MARCHF1: variants seen among roughly 807,000 people sequenced by gnomAD.
MARCHF1 encodes membrane associated ring-CH-type finger 1, also known as E3 ubiquitin-protein ligase MARCHF1.
Under a neutral mutation model 54.2 loss-of-function variants are expected in MARCHF1, and 40 were observed. The observed-to-expected ratio is 0.74, with a 90% confidence interval of 0.57 to 0.96. The LOEUF (loss-of-function observed/expected upper bound fraction) is 0.96, where lower values mean the gene tolerates loss of function less well. MARCHF1 is among the 40% of genes least tolerant of loss of function. The pLI is 0.00. For synonymous variants in MARCHF1, 236 were observed against 236.3 expected (o/e 1.00, Z 0.01); for missense variants, 586 against 656.5 (o/e 0.89, Z 1.17).
At chr4:163,574,339 T>G (rs1451804007) in intron 8 of MARCHF1, among the ~76,000 whole-genome samples, 1 of 152,120 alleles carries the variant, frequency 6.6e-6, no homozygotes. Flanking sequence ...TTTGTCAATT[T>G]TGGCTTTTGT....
At chr4:163,843,915 C>T (rs1749412095) in intron 4 of MARCHF1, among the ~76,000 whole-genome samples, 1 of 151,340 alleles carries the variant, frequency 6.6e-6, no homozygotes, top group African/African-American at 2.4e-5. Context: ...TGTTGGATGC[C>T]TGTATGTCTT....
At chr4:164,075,496 G>A (rs1231804023) in intron 2 of MARCHF1, among the ~76,000 whole-genome samples, 1 of 152,208 alleles carries the variant, frequency 6.6e-6, no homozygotes, top group Non-Finnish European at 1.5e-5. Flanking sequence ...ATAAGGAGCA[G>A]AGCCAGATCA....
chr4:163,897,508 G>A (rs932497886), intron 3 of MARCHF1, among the ~76,000 whole-genome samples: 4 of 151,900 alleles, frequency 2.6e-5, no homozygotes, highest in African/African-American at 9.7e-5. Flanking sequence ...CATGGTACAG[G>A]TACAAAAATA....
intron 2 of MARCHF1, among the ~76,000 whole-genome samples, chr4:164,048,790 A>AT (rs1754293975): frequency 6.6e-6 from 1 of 152,020 alleles, no homozygotes; most frequent in South Asian, 2.1e-4. Flanking sequence ...GGCAGAGTAA[A>AT]TTTTTTCATC....
At chr4:164,371,489 G>T (rs2110958189) in intron 1 of MARCHF1, among the ~76,000 whole-genome samples, 1 of 152,278 alleles carries the variant, frequency 6.6e-6, no homozygotes, top group Non-Finnish European at 1.5e-5. Flanking sequence ...ATATTTCAAT[G>T]CATGTAAATG....
intron 4 of MARCHF1, among the ~76,000 whole-genome samples, chr4:163,800,644 C>G (rs1286162642): frequency 6.6e-6 from 1 of 152,012 alleles, no homozygotes; most frequent in East Asian, 1.9e-4. Context: ...TTCCTTTTCA[C>G]TACGTTTAAG....
At chr4:164,030,626 C>T (rs1357244750) in intron 2 of MARCHF1, among the ~76,000 whole-genome samples, 4 of 152,112 alleles carry the variant, frequency 2.6e-5, no homozygotes, top group African/African-American at 4.8e-5. Flanking sequence ...ATATCCAGAA[C>T]GTTATTAGGC....
At chr4:164,336,012 A>T (rs1328670834) in intron 1 of MARCHF1, among the ~76,000 whole-genome samples, 1 of 152,222 alleles carries the variant, frequency 6.6e-6, no homozygotes, top group Non-Finnish European at 1.5e-5. Flanking sequence ...AAAGAACAGA[A>T]TTGTTTGATA....
At chr4:163,649,002 A>C (rs1310197229) in intron 5 of MARCHF1, among the ~76,000 whole-genome samples, 3 of 151,938 alleles carry the variant, frequency 2.0e-5, no homozygotes, top group Admixed American at 2.0e-4. Context: ...TTTTCTAAAA[A>C]TAATCATGGT....
chr4:163,929,469 T>C (rs539040053), intron 3 of MARCHF1, among the ~76,000 whole-genome samples: 73 of 152,080 alleles, frequency 4.8e-4, no homozygotes, highest in Admixed American at 3.1e-3. Flanking sequence ...ATAATTCTGA[T>C]GCCATAGTGA....
chr4:164,116,257 T>C (rs1299223104), intron 1 of MARCHF1, among the ~76,000 whole-genome samples: 2 of 152,180 alleles, frequency 1.3e-5, no homozygotes, highest in Non-Finnish European at 2.9e-5. Flanking sequence ...GAAAATAGCA[T>C]ACTTTCCAAA....
intron 4 of MARCHF1, among the ~76,000 whole-genome samples, chr4:163,785,265 T>C (rs886659157): frequency 2.0e-5 from 3 of 152,104 alleles, no homozygotes; most frequent in East Asian, 1.9e-4. Context: ...ACAAATTGCA[T>C]TGGTCCTCCA....
chr4:164,286,519 T>C (rs1384677937), intron 1 of MARCHF1, among the ~76,000 whole-genome samples: 1 of 151,832 alleles, frequency 6.6e-6, no homozygotes, highest in East Asian at 1.9e-4. Context: ...AATATAAAGT[T>C]ATAGGAGCAA....
At chr4:164,376,651 A>G (rs949666806) in intron 1 of MARCHF1, among the ~76,000 whole-genome samples, 8 of 152,116 alleles carry the variant, frequency 5.3e-5, no homozygotes, top group Admixed American at 2.0e-4. Flanking sequence ...CTATCCACCC[A>G]TTCCCACTGA....
At chr4:164,038,150 T>G (rs915000421) in intron 2 of MARCHF1, among the ~76,000 whole-genome samples, 1 of 152,164 alleles carries the variant, frequency 6.6e-6, no homozygotes, top group African/African-American at 2.4e-5. Flanking sequence ...CTCTGTACGT[T>G]TTCTTACAAC....
Position 163,788,389 on chromosome 4 carries a change from T to G in MARCHF1, c.111+65632A>C, listed in dbSNP as rs186086661. ...GTATCATATTAACTAAACTATAGGC[T>G]TTATTCATATTTCAGTAGTTTTCCC... On this transcript the variant is annotated intron_variant, in intron 4 of 9. Coordinates refer to ENST00000514618, the MANE Select transcript of MARCHF1 (RefSeq NM_001394959.1). 3.1e-4 allele frequency among the ~76,000 whole-genome samples: 47 copies of G among 152,086 alleles called. No individual in the cohort carries two copies. In the East Asian group the frequency reaches 3.1e-3, roughly 10 times the overall value.
In MARCHF1 at chr4:163,525,957, A is replaced by C. The variant is rs935997866; in HGVS notation, c.*2791T>G. ...TATTTCAGATGTTTGAACCATAAAC[A>C]AACAACCATTGCTGAAAAGCTTCTT... On this transcript the variant is annotated 3_prime_UTR_variant, in exon 10 of 10. Coordinates refer to ENST00000514618, the MANE Select transcript of MARCHF1 (RefSeq NM_001394959.1). 6.6e-6 allele frequency: 1 copy of C among 152,174 alleles called. No homozygotes were observed. Among genetic ancestry groups the C allele is most frequent in the Non-Finnish European group, 1.5e-5 (1 of 67,990 alleles). The allele number at this position is 152,174 out of a possible 1,614,324, so 9.4% of individuals were successfully genotyped here. A position where few individuals can be genotyped will look rare whatever the true frequency, so the allele number is the denominator to read the frequency against.
At chr4:163,726,961 G>C (rs887880609) in intron 4 of MARCHF1, among the ~76,000 whole-genome samples, 3 of 152,126 alleles carry the variant, frequency 2.0e-5, no homozygotes, top group Non-Finnish European at 4.4e-5. Context: ...TGCATTTTGG[G>C]TAACAGTCCT....
chr4:164,024,771 C>T (rs1359332962), intron 2 of MARCHF1, among the ~76,000 whole-genome samples: 1 of 152,034 alleles, frequency 6.6e-6, no homozygotes, highest in Non-Finnish European at 1.5e-5. Flanking sequence ...TCTAAACACC[C>T]CATTTAAAAG....
Sources: gnomAD v4.1 joint callset for allele counts (sites outside exome capture counted in the v4.1 genomes callset) on GRCh38, gnomAD v4.1.1 for gene constraint, MANE v1.5 for transcripts, NCBI Gene and HGNC (gene_info 2026-07-23, HGNC 2026-07-21) for gene names.